The following MTHFD2 variants were observed in gnomAD, a reference collection of about 807,000 sequenced individuals.
The protein encoded by MTHFD2 is methylenetetrahydrofolate dehydrogenase (NADP+ dependent) 2, methenyltetrahydrofolate cyclohydrolase.
In MTHFD2, 26 loss-of-function variants were observed where a neutral mutation model predicts 36.8. That is an observed-to-expected ratio of 0.71 (90% confidence interval 0.52 to 0.98). The LOEUF is 0.98. Among genes scored for constraint, MTHFD2 ranks in the 50% least tolerant of loss-of-function variants. The probability of loss-of-function intolerance (pLI) is 0.00; values close to 1 mark genes in which losing one functional copy is unlikely to be tolerated. For synonymous variants in MTHFD2, 164 were observed against 155.2 expected (o/e 1.06, Z -0.42); for missense variants, 373 against 434.0 (o/e 0.86, Z 1.25).
chr2:74,198,790 G>A (rs1434057992), intron 1 of MTHFD2, 48 bp downstream of exon 1: 1 of 1,505,802 alleles, frequency 6.6e-7, no homozygotes, highest in Admixed American at 1.9e-5. Flanking sequence ...GAGGGGAACG[G>A]AGGGCGAGGG....
chr2:74,209,968 G>A lies in MTHFD2; in HGVS notation c.589G>A (p.Val197Ile). The change falls in exon 5 of 8, where the codon GTT (valine) becomes ATT (isoleucine). Residue 197 changes from valine (V) to isoleucine (I), a missense_variant. Physicochemically the swap from Val to Ile is conservative, Grantham distance 29 (BLOSUM62 3). This residue lies in a region of MTHFD2 where 308 missense variants were observed against 397.8 expected (regional missense o/e 0.77). Transcript: ENST00000394053. ...CATTCCAACCCTAGGGAAGAATGTGGTTGTGGCTGGAAGGTCAAAAAACGT... is the reference window on the plus strand; with the variant it reads ...CATTCCAACCCTAGGGAAGAATGTGATTGTGGCTGGAAGGTCAAAAAACGT... ...TGIPTLGKNV[V>I]VAGRSKNVGM... is the part of the protein sequence containing the mutation. 6.2e-7 allele frequency: 1 copy of A among 1,613,204 alleles called. No homozygotes were observed. Among genetic ancestry groups the A allele is most frequent in the South Asian group, 1.1e-5 (1 of 90,978 alleles).
intron 7 of MTHFD2, among the ~76,000 whole-genome samples, chr2:74,212,165 C>CT (rs1446425984): frequency 1.7e-5 from 2 of 120,468 alleles, no homozygotes; most frequent in Non-Finnish European, 3.4e-5. Context: ...CCTTCCCTTC[C>CT]TTCTTTCTTT....
At chr2:74,206,021 C>A in intron 2 of MTHFD2, 132 bp downstream of exon 2, 2 of 914,334 alleles carry the variant, frequency 2.2e-6, no homozygotes, top group South Asian at 1.8e-5. Flanking sequence ...TGAACTGTAT[C>A]CCAAAACTTT....
rs762916557 is a variant in MTHFD2, at chr2:74,206,108, T to C, written c.286+219T>C. ...ATACTGGTTGGTATTCTCTGTGGCT[T>C]CTGGAAAGAATATAAGCTACATTCT... On this transcript the variant is annotated intron_variant, in intron 2 of 7. Transcript: ENST00000394053. The C allele has an allele frequency of 2.9e-4, 125 of 429,818 alleles. 1 individual carries two copies. The highest frequency in any genetic ancestry group is 6.5e-4 in the Middle Eastern group (1 of 1,542). 26.6% of individuals were successfully genotyped at this position (429,818 alleles called of 1,614,324 possible).
At chr2:74,200,619 T>A (rs1272885926) in intron 1 of MTHFD2, among the ~76,000 whole-genome samples, 2 of 152,038 alleles carry the variant, frequency 1.3e-5, no homozygotes, top group Non-Finnish European at 2.9e-5. Flanking sequence ...AATAGTAGCC[T>A]AGGAGACAGT....
At chr2:74,208,526 A>G (rs375562864) in intron 3 of MTHFD2, 43 bp from the exon 4 acceptor site, 6 of 1,601,904 alleles carry the variant, frequency 3.7e-6, no homozygotes, top group Non-Finnish European at 4.3e-6. Flanking sequence ...AGTGCTGACT[A>G]TGCGGTGGTG....
intron 1 of MTHFD2, among the ~76,000 whole-genome samples, chr2:74,204,449 C>T (rs1317345000): frequency 6.6e-6 from 1 of 152,184 alleles, no homozygotes; most frequent in Non-Finnish European, 1.5e-5. Flanking sequence ...TGATTTCTTG[C>T]CCTGTTGTCT....
chr2:74,199,694 C>G (rs1452345597), intron 1 of MTHFD2, among the ~76,000 whole-genome samples: 1 of 127,818 alleles, frequency 7.8e-6, no homozygotes, highest in East Asian at 2.2e-4. Context: ...GGCGACAGAG[C>G]GAGACCCTGT....
At chr2:74,198,797 A>AG in intron 1 of MTHFD2, 55 bp downstream of exon 1, 1 of 1,472,048 alleles carries the variant, frequency 6.8e-7, no homozygotes. Flanking sequence ...ACGGAGGGCG[A>AG]GGGGCACGCC....
intron 1 of MTHFD2, among the ~76,000 whole-genome samples, chr2:74,200,433 C>G (rs769981739): frequency 7.2e-5 from 11 of 152,184 alleles, no homozygotes; most frequent in Non-Finnish European, 1.5e-4. Context: ...TTGCTATTTA[C>G]AATTCCCACA....
chr2:74,212,152 T>C (rs929174068), intron 7 of MTHFD2, among the ~76,000 whole-genome samples: 3 of 138,350 alleles, frequency 2.2e-5, no homozygotes, highest in African/African-American at 8.5e-5. Context: ...TCCCTCCCTC[T>C]CTCCTTCCCT....
rs1694382227 is a variant in MTHFD2, at chr2:74,214,318, T to G, written c.*76T>G. On this transcript the variant is annotated 3_prime_UTR_variant, in exon 8 of 8. Transcript: ENST00000394053. Reference sequence around the variant, plus strand: ...AAAGCAGGCCAATAGAAATGCAATATTTTTAATTTATTCTACTGAAATGGT... The same window carrying G: ...AAAGCAGGCCAATAGAAATGCAATAGTTTTAATTTATTCTACTGAAATGGT... 2.7e-6 allele frequency: 4 copies of G among 1,480,964 alleles called. No homozygotes were observed. In the South Asian group the frequency reaches 5.1e-5, roughly 19 times the overall value. The allele number at this position is 1,480,964 out of a possible 1,614,324, so 91.7% of individuals were successfully genotyped here. A position where few individuals can be genotyped will look rare whatever the true frequency, so the allele number is the denominator to read the frequency against.
intron 2 of MTHFD2, among the ~76,000 whole-genome samples, chr2:74,206,828 C>G (rs538869502): frequency 6.6e-6 from 1 of 152,270 alleles, no homozygotes; most frequent in East Asian, 1.9e-4. Context: ...CCTGCCTCAG[C>G]CTACCGAGTA....
Position 74,198,708 on chromosome 2 carries a change from C to A in MTHFD2, c.67C>A (p.Leu23Ile). ...GCTGCAGCCCGCGCACAGCTGCTCCCTTCGCCTTCGCCCTTTCCACCTCGC... is the reference window on the plus strand; with the variant it reads ...GCTGCAGCCCGCGCACAGCTGCTCCATTCGCCTTCGCCCTTTCCACCTCGC... Reference protein sequence around the residue: ...RLLQPAHSCSLRLRPFHLAAV... With the variant: ...RLLQPAHSCSIRLRPFHLAAV... The change falls in exon 1 of 8, where the codon CTT becomes ATT. Residue 23 changes from leucine (L) to isoleucine (I), a missense_variant. Transcript: ENST00000394053. The A allele has an allele frequency of 6.2e-7, 1 of 1,611,244 alleles. No homozygotes were observed. The highest frequency in any genetic ancestry group is 8.5e-7 in the Non-Finnish European group (1 of 1,179,020).
intron 4 of MTHFD2, among the ~76,000 whole-genome samples, chr2:74,208,976 C>A (rs1156756064): frequency 2.0e-5 from 3 of 151,526 alleles, no homozygotes; most frequent in South Asian, 4.2e-4. Context: ...TGAGTTCAAG[C>A]GATTCTCATG....
At chr2:74,208,851 T>C in intron 4 of MTHFD2, 130 bp downstream of exon 4, 1 of 966,644 alleles carries the variant, frequency 1.0e-6, no homozygotes. Flanking sequence ...CCCCAAAGTT[T>C]ACCTCTCTTA....
intron 1 of MTHFD2, among the ~76,000 whole-genome samples, chr2:74,200,421 A>G (rs1297362290): frequency 1.3e-5 from 2 of 152,172 alleles, no homozygotes; most frequent in Non-Finnish European, 2.9e-5. Flanking sequence ...TGTACTGCAC[A>G]TTTGCTATTT....
At chr2:74,199,093 G>A (rs1693977412) in intron 1 of MTHFD2, among the ~76,000 whole-genome samples, 2 of 152,238 alleles carry the variant, frequency 1.3e-5, no homozygotes, top group South Asian at 4.1e-4. Context: ...CGACAGCGCC[G>A]GCCGCCTCTG....
At chr2:74,200,796 T>C (rs1694025020) in intron 1 of MTHFD2, among the ~76,000 whole-genome samples, 1 of 152,206 alleles carries the variant, frequency 6.6e-6, no homozygotes, top group African/African-American at 2.4e-5. Context: ...AATAGATGTT[T>C]GTTCCTTTCT....
Sources: gnomAD v4.1 joint callset for allele counts (sites outside exome capture counted in the v4.1 genomes callset) on GRCh38, gnomAD v4.1.1 for gene constraint, gnomAD v4.1.1 regional missense constraint, MANE v1.5 for transcripts, NCBI Gene and HGNC (gene_info 2026-07-23, HGNC 2026-07-21) for gene names.